Variants in MYBPC1 observed in about 807,000 individuals in gnomAD.
MYBPC1 encodes the protein myosin-binding protein C, slow-type.
A neutral mutation model predicts 147.1 loss-of-function variants in MYBPC1; 52 were observed. That is an observed-to-expected ratio of 0.35 (90% CI 0.28 to 0.45). MYBPC1 has a LOEUF of 0.45. Ranked by LOEUF, MYBPC1 falls within the 20% of genes least tolerant of loss-of-function variation. The pLI is 1.00. For missense variants in MYBPC1, 1,228 were observed against 1,440.3 expected (o/e 0.85, Z 2.39); for synonymous variants, 477 against 475.9 (o/e 1.00, Z -0.03).
chr12:101,628,695 G>C (rs1170183590), intron 5 of MYBPC1, among the ~76,000 whole-genome samples: 1 of 152,188 alleles, frequency 6.6e-6, no homozygotes, highest in Non-Finnish European at 1.5e-5. Context: ...ATTGACTGCA[G>C]ATTAACACTT....
chr12:101,684,445 G>T, intron 31 of MYBPC1, 21 bp downstream of exon 31: 1 of 1,557,534 alleles, frequency 6.4e-7, no homozygotes. Flanking sequence ...ATATGGTTTT[G>T]GCATATGAAG....
chr12:101,619,500 C>G (rs984680164), intron 3 of MYBPC1, among the ~76,000 whole-genome samples: 3 of 152,222 alleles, frequency 2.0e-5, no homozygotes, highest in African/African-American at 7.2e-5. Context: ...TGAATACTTG[C>G]AAAATGAATG....
chr12:101,687,778 A>G (rs549489546), downstream of MYBPC1, among the ~76,000 whole-genome samples: 2 of 152,352 alleles, frequency 1.3e-5, no homozygotes, highest in African/African-American at 4.8e-5. Context: ...GACATTGGCC[A>G]AGCTAGTTAG....
At chr12:101,603,310 A>G (rs968114226) in intron 1 of MYBPC1, among the ~76,000 whole-genome samples, 13 of 151,280 alleles carry the variant, frequency 8.6e-5, no homozygotes, top group Non-Finnish European at 1.8e-4. Flanking sequence ...GCGCCATTGC[A>G]CTCCAACCTG....
At chr12:101,641,398 T>C (rs369224735) in intron 10 of MYBPC1, among the ~76,000 whole-genome samples, 6 of 152,356 alleles carry the variant, frequency 3.9e-5, no homozygotes, top group African/African-American at 1.4e-4. Flanking sequence ...ATACTAAGCC[T>C]GTTTTCCAAA....
At chr12:101,694,803 T>C in the MYBPC1 span, among the ~76,000 whole-genome samples, 2 of 152,218 alleles carry the variant, frequency 1.3e-5, no homozygotes, top group South Asian at 4.1e-4. Flanking sequence ...TCATTCATGT[T>C]CATAAGTGTA....
intron 1 of MYBPC1, among the ~76,000 whole-genome samples, chr12:101,601,293 G>A (rs577601272): frequency 3.3e-5 from 5 of 152,282 alleles, no homozygotes; most frequent in South Asian, 2.1e-4. Context: ...CTGTCTTGTC[G>A]TAATTCTGCT....
chr12:101,598,260 T>C (rs1218386248), intron 1 of MYBPC1, among the ~76,000 whole-genome samples: 1 of 152,160 alleles, frequency 6.6e-6, no homozygotes, highest in African/African-American at 2.4e-5. Flanking sequence ...CCTCAGGTGG[T>C]CCACCTGCCT....
chr12:101,632,183 G>C lies in MYBPC1; in HGVS notation c.556+45G>C, dbSNP rs200416291. On this transcript the variant is annotated intron_variant, in intron 8 of 31. Coordinates refer to ENST00000361466, the MANE Select transcript of MYBPC1 (RefSeq NM_002465.4). ...TAGATAAATGTAATTTTTTAATGGG[G>C]TGTGAGGGGATGGAGAAGAAGTAGT... The C allele has an allele frequency of 5.4e-6, 7 of 1,296,076 alleles. No homozygotes were observed. In the African/African-American group the frequency reaches 8.7e-5, roughly 16 times the overall value. The allele number at this position is 1,296,076 out of a possible 1,614,324, so 80.3% of individuals were successfully genotyped here.
chr12:101,651,235 A>G lies in MYBPC1; in HGVS notation c.1368A>G (p.Lys456=), dbSNP rs748303457. Residue 456 remains lysine, a synonymous_variant, in exon 16 of 32, where the codon AAA becomes AAG. Transcript: ENST00000361466. The stretch of plus-strand genomic sequence containing the variant: ...GATGGTCTATCATTTCTACAGTGAA[A>G]CCTCTGAAGATTTTGACACCTCTGA... The part of the protein sequence containing the change: ...QSSAKLSVDL[K]PLKILTPLTD... 2 of 1,614,042 alleles carry G rather than the reference A, an allele frequency of 1.2e-6. No individual in the cohort carries two copies. The highest frequency in any genetic ancestry group is 1.7e-6 in the Non-Finnish European group (2 of 1,179,966).
intron 6 of MYBPC1, 87 bp from the exon 7 acceptor site, chr12:101,631,484 T>G: frequency 7.1e-7 from 1 of 1,406,696 alleles, no homozygotes; most frequent in Non-Finnish European, 1.0e-6. Context: ...TATTCTGTAG[T>G]GCAGTCCCAT....
At chr12:101,651,715 C>T (rs538988234) in intron 16 of MYBPC1, among the ~76,000 whole-genome samples, 15 of 152,192 alleles carry the variant, frequency 9.9e-5, no homozygotes, top group Admixed American at 4.6e-4. Flanking sequence ...CCAAGGCAGA[C>T]GGATCAATTG....
intron 10 of MYBPC1, among the ~76,000 whole-genome samples, chr12:101,638,072 A>C (rs1055167498): frequency 6.6e-6 from 1 of 152,174 alleles, no homozygotes; most frequent in African/African-American, 2.4e-5. Context: ...CAGGACCCAA[A>C]CCCAAGTTTC....
intron 18 of MYBPC1, among the ~76,000 whole-genome samples, chr12:101,654,434 C>A (rs145654696): frequency 3.9e-5 from 6 of 152,154 alleles, no homozygotes; most frequent in Non-Finnish European, 7.4e-5. Context: ...CCTATAATTG[C>A]CTCAAGCTTA....
chr12:101,625,659 A>G (rs1888416245), intron 3 of MYBPC1, among the ~76,000 whole-genome samples: 1 of 152,122 alleles, frequency 6.6e-6, no homozygotes, highest in African/African-American at 2.4e-5. Flanking sequence ...TTCTTATAGC[A>G]TTTGTATTAT....
At chr12:101,671,325 ACACACACACACACT>A (rs1225976670) in intron 24 of MYBPC1, among the ~76,000 whole-genome samples, 2 of 97,762 alleles carry the variant, frequency 2.0e-5, no homozygotes, top group East Asian at 2.4e-4. Flanking sequence ...ACACACACAC[ACACACACACACACT>A]CACACACACA....
chr12:101,681,580 ATATATATATATATTTTTTTTTTTTTTTT>A (rs1356375899), intron 29 of MYBPC1, among the ~76,000 whole-genome samples: 4 of 24,434 alleles, frequency 1.6e-4, no homozygotes, highest in Admixed American at 9.2e-4. Flanking sequence ...ATATATATAT[ATATATATATATATTTTTTTTTTTTTTTT>A]TTTTTTTTTT....
intron 28 of MYBPC1, among the ~76,000 whole-genome samples, chr12:101,680,001 G>A (rs1950831913): frequency 1.3e-5 from 2 of 152,206 alleles, no homozygotes; most frequent in South Asian, 4.1e-4. Flanking sequence ...ACATTCATCA[G>A]TACCGATGCT....
intron 24 of MYBPC1, among the ~76,000 whole-genome samples, chr12:101,671,339 T>TCACACA (rs71094516): frequency 1.6e-5 from 2 of 126,188 alleles, no homozygotes; most frequent in South Asian, 2.5e-4. Flanking sequence ...ACACACACAC[T>TCACACA]CACACACACA....
Sources: allele counts gnomAD v4.1 joint callset (sites outside exome capture counted in the v4.1 genomes callset), GRCh38; gene constraint gnomAD v4.1.1; transcripts MANE v1.5; gene names NCBI Gene and HGNC (gene_info 2026-07-23, HGNC 2026-07-21).